The following ARHGAP44 variants were observed in gnomAD, a reference collection of about 807,000 sequenced individuals.
ARHGAP44 encodes the protein Rho GTPase activating protein 44, also known as rho GTPase-activating protein 44.
A neutral mutation model predicts 106.8 loss-of-function variants in ARHGAP44; 43 were observed. That is an observed-to-expected ratio of 0.40 (90% confidence interval 0.32 to 0.52). The LOEUF (loss-of-function observed/expected upper bound fraction) is 0.52. Among genes scored for constraint, ARHGAP44 ranks in the 20% least tolerant of loss-of-function variants. ARHGAP44 has a pLI of 0.48. For synonymous variants in ARHGAP44, 439 were observed against 410.3 expected, an observed-to-expected ratio of 1.07 and a Z score of -0.85; for missense variants, 866 against 1,050.5, an observed-to-expected ratio of 0.82 and a Z score of 2.43.
rs1408409506 is a variant in ARHGAP44 at position 12,974,255 on chromosome 17, GC to G, written c.1713del (p.Ala572ArgfsTer121). The G allele has an allele frequency of 6.6e-7, 1 of 1,516,852 alleles. No homozygotes were observed. Among genetic ancestry groups the G allele is most frequent in the Non-Finnish European group, 8.8e-7 (1 of 1,134,452 alleles). 94.0% of individuals were successfully genotyped at this position (1,516,852 alleles called of 1,614,324 possible). On this transcript the variant is annotated frameshift_variant, in exon 18 of 21. Coordinates refer to ENST00000379672, the MANE Select transcript of ARHGAP44 (RefSeq NM_014859.6). LOFTEE classifies it high-confidence loss of function. ...LPEQPLDSPA[A>X]PALSPSGLGL... ...GGAGCAGCCCCTGGACAGCCCCGCG[GC>G]CCCCGCGCTCTCTCCATCCGGCCTG... is the stretch of plus-strand genomic sequence containing the variant.
rs191447470 is a variant in ARHGAP44 at position 12,987,529 on chromosome 17, G to A, written c.2318-2503G>A. On this transcript the variant is annotated intron_variant, in intron 20 of 20. Coordinates refer to ENST00000379672, the MANE Select transcript of ARHGAP44 (RefSeq NM_014859.6). The stretch of plus-strand genomic sequence containing the variant: ...TTTGTGCTGGAGACGCTTGTGCCCA[G>A]CACCCTGGGGGACATGCACCTGCTC... 5 of 170,602 alleles carry A rather than the reference G, an allele frequency of 2.9e-5. No individual in the cohort carries two copies. The East Asian group carries it at 7.9e-4, about 27-fold the overall frequency. The allele number at this position is 170,602 out of a possible 1,614,324, so 10.6% of individuals were successfully genotyped here.
chr17:12,797,615 C>T (rs1019821103), intron 1 of ARHGAP44, among the ~76,000 whole-genome samples: 2 of 152,118 alleles, frequency 1.3e-5, no homozygotes, highest in Admixed American at 6.6e-5. Flanking sequence ...CCGGGCCATT[C>T]CTGGGTCTTT....
chr17:12,792,503 T>C (rs1173761072), intron 1 of ARHGAP44, among the ~76,000 whole-genome samples: 1 of 152,152 alleles, frequency 6.6e-6, no homozygotes, highest in African/African-American at 2.4e-5. Flanking sequence ...CAGTATCTCC[T>C]CTATTATTGA....
chr17:12,793,694 T>G, intron 1 of ARHGAP44, among the ~76,000 whole-genome samples: 1 of 148,640 alleles, frequency 6.7e-6, no homozygotes, highest in Non-Finnish European at 1.5e-5. Flanking sequence ...GGCGACAGAG[T>G]GAGACTCCAT....
intron 12 of ARHGAP44, among the ~76,000 whole-genome samples, chr17:12,951,128 G>T (rs1261271896): frequency 1.3e-5 from 2 of 152,200 alleles, no homozygotes; most frequent in African/African-American, 4.8e-5. Context: ...ATTGTGAAAA[G>T]GGAGTGCTGG....
At chr17:12,791,239 G>A (rs1272082885) in intron 1 of ARHGAP44, among the ~76,000 whole-genome samples, 1 of 152,186 alleles carries the variant, frequency 6.6e-6, no homozygotes, top group African/African-American at 2.4e-5. Flanking sequence ...TTAACATGAG[G>A]GGGAATTTAT....
At position 12,852,548 on chromosome 17, in the gene ARHGAP44, G is replaced by GTTT. The variant is rs111855586; in HGVS notation, c.54-42381_54-42379dup. ...CTATTCTCTTTGGTTTGTTTGCTGT[G>GTTT]TTTTTTTTTTTTTGATGGCATCTTG... On this transcript the variant is annotated intron_variant, in intron 1 of 20. Transcript: ENST00000379672. Among the ~76,000 whole-genome samples, 780 of 139,106 alleles carry GTTT rather than the reference G, an allele frequency of 5.6e-3. 6 individuals are homozygous for GTTT. The highest frequency in any genetic ancestry group is 0.02 in the African/African-American group (748 of 38,014). The allele number at this position is 139,106 out of a possible 152,430, so 91.3% of individuals were successfully genotyped here.
intron 1 of ARHGAP44, among the ~76,000 whole-genome samples, chr17:12,843,346 A>G (rs904554504): frequency 5.3e-5 from 8 of 152,168 alleles, no homozygotes; most frequent in Admixed American, 6.5e-5. Flanking sequence ...CTTCAGATCT[A>G]TGGTATCATC....
chr17:12,859,453 A>G (rs1245213816), intron 1 of ARHGAP44, among the ~76,000 whole-genome samples: 1 of 152,144 alleles, frequency 6.6e-6, no homozygotes, highest in Non-Finnish European at 1.5e-5. Flanking sequence ...CCTGGCATGA[A>G]CCCGTTTCTC....
chr17:12,839,564 G>A (rs1597916753), intron 1 of ARHGAP44, among the ~76,000 whole-genome samples: 1 of 152,092 alleles, frequency 6.6e-6, no homozygotes, highest in African/African-American at 2.4e-5. Context: ...GAACTTGCTG[G>A]GAATTATTTG....
chr17:12,925,932 A>G (rs2038217059), intron 6 of ARHGAP44, among the ~76,000 whole-genome samples: 1 of 152,226 alleles, frequency 6.6e-6, no homozygotes, highest in African/African-American at 2.4e-5. Flanking sequence ...CTATCTGTAC[A>G]AAATTCATGT....
At chr17:12,887,526 G>T (rs919777558) in intron 1 of ARHGAP44, among the ~76,000 whole-genome samples, 10 of 152,088 alleles carry the variant, frequency 6.6e-5, no homozygotes, top group African/African-American at 2.4e-4. Context: ...AGACGTCAGT[G>T]ACCATGCCCA....
intron 10 of ARHGAP44, among the ~76,000 whole-genome samples, chr17:12,947,932 T>C (rs555864108): frequency 2.0e-5 from 3 of 152,166 alleles, no homozygotes; most frequent in Non-Finnish European, 4.4e-5. Context: ...GAGTTAGTGA[T>C]CCTAGCAAGG....
At chr17:12,843,083 C>T (rs2035463894) in intron 1 of ARHGAP44, among the ~76,000 whole-genome samples, 1 of 151,658 alleles carries the variant, frequency 6.6e-6, no homozygotes, top group Non-Finnish European at 1.5e-5. Context: ...TCAGCAACGG[C>T]CTATGGTGGA....
chr17:12,851,752 T>C (rs1224448184), intron 1 of ARHGAP44, among the ~76,000 whole-genome samples: 3 of 152,020 alleles, frequency 2.0e-5, no homozygotes, highest in Non-Finnish European at 4.4e-5. Context: ...ACTTTCTAAA[T>C]AGGAGAAGGA....
chr17:12,803,168 C>G (rs1419019612), intron 1 of ARHGAP44, among the ~76,000 whole-genome samples: 2 of 151,266 alleles, frequency 1.3e-5, no homozygotes, highest in Non-Finnish European at 2.9e-5. Context: ...GACAGGATTT[C>G]ACTGTGTTGG....
chr17:12,895,086 G>A, intron 2 of ARHGAP44, 107 bp downstream of exon 2: 6 of 974,232 alleles, frequency 6.2e-6, no homozygotes, highest in South Asian at 1.4e-5. Context: ...AGCCGGGATC[G>A]TGCCACTACA....
At chr17:12,802,434 T>C (rs2034121807) in intron 1 of ARHGAP44, among the ~76,000 whole-genome samples, 1 of 152,186 alleles carries the variant, frequency 6.6e-6, no homozygotes, top group South Asian at 2.1e-4. Context: ...AATTCTTTTC[T>C]GTCATTGGGT....
Position 12,893,674 on chromosome 17 carries a change from CT to C in ARHGAP44, c.54-1262del, listed in dbSNP as rs1241447845. Among the ~76,000 whole-genome samples, 5 of 152,196 alleles carry C rather than the reference CT, an allele frequency of 3.3e-5. No individual in the cohort carries two copies. In the East Asian group the frequency reaches 9.6e-4, roughly 29 times the overall value. On this transcript the variant is annotated intron_variant, in intron 1 of 20. Coordinates refer to ENST00000379672, the MANE Select transcript of ARHGAP44 (RefSeq NM_014859.6). ...GTAGAAGTCAGGGCTCCCTACTCAG[CT>C]TTTGCTGGCTTGGGTGGAGTAGGAC...
Sources: gnomAD v4.1 joint callset for allele counts (sites outside exome capture counted in the v4.1 genomes callset) on GRCh38, gnomAD v4.1.1 for gene constraint, MANE v1.5 for transcripts, NCBI Gene and HGNC (gene_info 2026-07-23, HGNC 2026-07-21) for gene names.